The following MYRIP variants were observed in gnomAD, a reference collection of about 807,000 sequenced individuals.
MYRIP encodes myosin VIIA and Rab interacting protein, also known as rab effector MyRIP.
Under a neutral mutation model 98.0 loss-of-function variants are expected in MYRIP, and 49 were observed. The ratio of observed to expected loss-of-function variants is 0.50; its 90% CI spans 0.40 to 0.63. The LOEUF is 0.63. Among genes scored for constraint, MYRIP ranks in the 30% least tolerant of loss-of-function variants. The pLI, the probability that MYRIP is intolerant of heterozygous loss-of-function variation, is 0.00. For missense variants in MYRIP, 1,004 were observed against 1,058.2 expected, an observed-to-expected ratio of 0.95 and a Z score of 0.71; for synonymous variants, 404 against 409.5, an observed-to-expected ratio of 0.99 and a Z score of 0.16.
intron 3 of MYRIP, among the ~76,000 whole-genome samples, chr3:40,048,416 A>G (rs1302653907): frequency 6.6e-6 from 1 of 152,170 alleles, no homozygotes; most frequent in Non-Finnish European, 1.5e-5. Context: ...ATTCTTGTCC[A>G]CAAAAAAGGA....
chr3:40,033,374 T>C (rs968395258), intron 2 of MYRIP, among the ~76,000 whole-genome samples: 9 of 151,984 alleles, frequency 5.9e-5, no homozygotes, highest in Non-Finnish European at 1.2e-4. Context: ...CAGCAAAGTG[T>C]CAGGATACAA....
chr3:39,888,737 C>T (rs1463024155), intron 1 of MYRIP, among the ~76,000 whole-genome samples: 1 of 152,128 alleles, frequency 6.6e-6, no homozygotes, highest in African/African-American at 2.4e-5. Flanking sequence ...TCAGAGTGAA[C>T]AGGCAACCTA....
chr3:40,128,148 CAAAGA>C (rs1949559095), intron 3 of MYRIP, among the ~76,000 whole-genome samples: 1 of 152,070 alleles, frequency 6.6e-6, no homozygotes, highest in Non-Finnish European at 1.5e-5. Context: ...TTCAAGAGGC[CAAAGA>C]AAAGACCCAG....
rs537827294 is a variant in MYRIP at position 39,829,828 on chromosome 3, A to T, written c.-31+19912A>T. Among the ~76,000 whole-genome samples, 24 of 152,316 alleles carry T rather than the reference A, an allele frequency of 1.6e-4. 1 individual carries two copies. The Middle Eastern group carries it at 0.017, about 108-fold the overall frequency. On this transcript the variant is annotated intron_variant, in intron 1 of 16. Transcript: ENST00000302541. ...ATTTGCTTTATTTTAGGGGCCTGGC[A>T]CCAAACTCACAATTTCTCTGAGGTA... is the stretch of plus-strand genomic sequence containing the variant.
At chr3:40,195,962 A>T (rs544637055) in intron 10 of MYRIP, among the ~76,000 whole-genome samples, 2 of 152,148 alleles carry the variant, frequency 1.3e-5, no homozygotes, top group Admixed American at 1.3e-4. Flanking sequence ...AGTAATTTAC[A>T]TTTTCACAGG....
rs71091779 is a variant in MYRIP, at chr3:39,919,727, T to TGA, written c.110+18822_110+18823dup. ...GTGTGTGTGTGTGTGTGTGTGTGTGTGAGAGAGAGAGAGAGAGAGAGAAAT... is the reference window on the plus strand; with the variant it reads ...GTGTGTGTGTGTGTGTGTGTGTGTGTGAGAGAGAGAGAGAGAGAGAGAGAAAT... On this transcript the variant is annotated intron_variant, in intron 2 of 16. Transcript: ENST00000302541. 4.1e-3 allele frequency among the ~76,000 whole-genome samples: 504 copies of TGA among 123,446 alleles called. 3 individuals carry two copies. The highest frequency in any genetic ancestry group is 0.013 in the African/African-American group (416 of 32,826). The allele number at this position is 123,446 out of a possible 152,430, so 81.0% of individuals were successfully genotyped here.
chr3:39,976,554 CA>C, intron 2 of MYRIP, among the ~76,000 whole-genome samples: 1 of 152,248 alleles, frequency 6.6e-6, no homozygotes, highest in African/African-American at 2.4e-5. Context: ...GGTATATACC[CA>C]AAGGATTATA....
intron 2 of MYRIP, among the ~76,000 whole-genome samples, chr3:40,011,603 G>T (rs1946760632): frequency 6.6e-6 from 1 of 152,144 alleles, no homozygotes; most frequent in African/African-American, 2.4e-5. Flanking sequence ...CTGCCTTGTT[G>T]TGATTAAGCT....
At chr3:40,193,019 T>A (rs1344548367) in intron 10 of MYRIP, among the ~76,000 whole-genome samples, 4 of 152,202 alleles carry the variant, frequency 2.6e-5, no homozygotes, top group Non-Finnish European at 5.9e-5. Context: ...CAACCAGTTT[T>A]TGTTTTTCCT....
intron 10 of MYRIP, among the ~76,000 whole-genome samples, chr3:40,199,185 C>A (rs1401217742): frequency 6.6e-6 from 1 of 152,178 alleles, no homozygotes; most frequent in Non-Finnish European, 1.5e-5. Flanking sequence ...AAGAGAAACT[C>A]ATCCTGTGGA....
chr3:40,012,644 A>G (rs1478551583), intron 2 of MYRIP, among the ~76,000 whole-genome samples: 2 of 152,200 alleles, frequency 1.3e-5, no homozygotes, highest in African/African-American at 4.8e-5. Context: ...CATCCAATCC[A>G]CTGAGGGCCT....
chr3:39,952,726 T>A (rs1945055518), intron 2 of MYRIP, among the ~76,000 whole-genome samples: 1 of 152,204 alleles, frequency 6.6e-6, no homozygotes, highest in Admixed American at 6.5e-5. Flanking sequence ...TAGTAATGAA[T>A]TTTCCCCCTC....
At chr3:40,231,587 C>G (rs561825846) in intron 11 of MYRIP, among the ~76,000 whole-genome samples, 1 of 152,178 alleles carries the variant, frequency 6.6e-6, no homozygotes, top group Admixed American at 6.5e-5. Flanking sequence ...GATGGTCAAA[C>G]AGTATTGATG....
intron 2 of MYRIP, among the ~76,000 whole-genome samples, chr3:39,929,858 C>T (rs537912362): frequency 6.6e-6 from 1 of 151,984 alleles, no homozygotes; most frequent in Admixed American, 6.6e-5. Flanking sequence ...AGGGCTTTTT[C>T]AACTTGGCAT....
chr3:39,924,928 A>G (rs532098867), intron 2 of MYRIP, among the ~76,000 whole-genome samples: 1 of 152,074 alleles, frequency 6.6e-6, no homozygotes, highest in South Asian at 2.1e-4. Flanking sequence ...TGAAAATACA[A>G]TATTTCAAAA....
chr3:39,957,658 A>C (rs2125727310), intron 2 of MYRIP, among the ~76,000 whole-genome samples: 1 of 152,248 alleles, frequency 6.6e-6, no homozygotes, highest in Admixed American at 6.5e-5. Context: ...TATTCAACAT[A>C]GTGTTGGAAG....
At chr3:40,221,820 C>T (rs1302291999) in intron 11 of MYRIP, among the ~76,000 whole-genome samples, 5 of 152,134 alleles carry the variant, frequency 3.3e-5, no homozygotes, top group Non-Finnish European at 7.4e-5. Context: ...TGGAGAAGCA[C>T]CCAGGGGTAT....
At chr3:39,981,792 A>G (rs1400882527) in intron 2 of MYRIP, among the ~76,000 whole-genome samples, 1 of 152,176 alleles carries the variant, frequency 6.6e-6, no homozygotes, top group Non-Finnish European at 1.5e-5. Flanking sequence ...CCAATTTAAC[A>G]TTGGAGGTTA....
intron 1 of MYRIP, among the ~76,000 whole-genome samples, chr3:39,832,106 C>A (rs1237735268): frequency 1.3e-5 from 2 of 152,170 alleles, no homozygotes; most frequent in Non-Finnish European, 2.9e-5. Flanking sequence ...CTTCCTCTCA[C>A]CCTGTGTGCA....
Sources: gnomAD v4.1 joint callset for allele counts (sites outside exome capture counted in the v4.1 genomes callset) on GRCh38, gnomAD v4.1.1 for gene constraint, MANE v1.5 for transcripts, NCBI Gene and HGNC (gene_info 2026-07-23, HGNC 2026-07-21) for gene names.